Variants in GPLD1 observed in about 807,000 individuals in gnomAD.
GPLD1 encodes the protein glycosylphosphatidylinositol specific phospholipase D1, also known as phosphatidylinositol-glycan-specific phospholipase D.
A neutral mutation model predicts 112.6 loss-of-function variants in GPLD1; 84 were observed. The ratio of observed to expected loss-of-function variants is 0.75; its 90% CI spans 0.63 to 0.89. The LOEUF (loss-of-function observed/expected upper bound fraction) is 0.89, where lower values mean the gene tolerates loss of function less well. GPLD1 is among the 40% of genes least tolerant of loss of function. GPLD1 has a pLI of 0.00. For missense variants in GPLD1, 1,044 were observed against 1,051.5 expected, an observed-to-expected ratio of 0.99 and a Z score of 0.10; for synonymous variants, 386 against 403.8, an observed-to-expected ratio of 0.96 and a Z score of 0.53.
intron 12 of GPLD1, among the ~76,000 whole-genome samples, chr6:24,457,476 G>A (rs1157948668): frequency 6.6e-6 from 1 of 152,102 alleles, no homozygotes; most frequent in African/African-American, 2.4e-5. Flanking sequence ...ATGAGACTCT[G>A]TCTCAACAAC....
chr6:24,459,382 T>C (rs1413970365), intron 12 of GPLD1, among the ~76,000 whole-genome samples: 1 of 152,152 alleles, frequency 6.6e-6, no homozygotes, highest in Admixed American at 6.5e-5. Flanking sequence ...GCCTCCCGAA[T>C]AGCTGGGACT....
In GPLD1 at chr6:24,460,418, A is replaced by C; in HGVS notation, c.888-19T>G. On this transcript the variant is annotated intron_variant, in intron 11 of 24. Coordinates refer to ENST00000230036, the MANE Select transcript of GPLD1 (RefSeq NM_001503.4). ...TTTTGAGCTGTTGAAGAGAAAGAGGAATAAACTGGTTACGACTGAGAAAAC... is the reference window on the plus strand; with the variant it reads ...TTTTGAGCTGTTGAAGAGAAAGAGGCATAAACTGGTTACGACTGAGAAAAC... 6.2e-7 allele frequency: 1 copy of C among 1,612,534 alleles called. No individual in the cohort carries two copies. Among genetic ancestry groups the C allele is most frequent in the Non-Finnish European group, 8.5e-7 (1 of 1,179,398 alleles).
chr6:24,489,762 C>G (rs1764504977), upstream of GPLD1: 1 of 509,286 alleles, frequency 2.0e-6, no homozygotes, highest in African/African-American at 1.9e-5. Flanking sequence ...AAACTGAAAT[C>G]TGAAAAGCCT....
Position 24,429,056 on chromosome 6 carries a change from G to A in GPLD1, c.2499C>T (p.His833=), listed in dbSNP as rs767154789. Residue 833 remains histidine (H), a synonymous_variant, in exon 25 of 25, where the codon CAC becomes CAT. Transcript: ENST00000230036. Reference sequence around the variant, plus strand: ...TTCAATCTGAGCCAAGGCTATAGACGTGAAGTGCCCCGGAGAGTCGGGCTC... The same window carrying A: ...TTCAATCTGAGCCAAGGCTATAGACATGAAGTGCCCCGGAGAGTCGGGCTC... ...SLGARLSGAL[H]VYSLGSD 2.9e-5 allele frequency: 47 copies of A among 1,612,878 alleles called. No homozygotes were observed. In the Admixed American group the frequency reaches 3.5e-4, roughly 12 times the overall value.
chr6:24,462,866 T>G, intron 10 of GPLD1, 71 bp from the exon 11 acceptor site: 1 of 1,107,204 alleles, frequency 9.0e-7, no homozygotes, highest in Non-Finnish European at 1.4e-6. Context: ...CGAGAATCGG[T>G]AGTGCGCTTC....
At chr6:24,473,527 TA>T in intron 6 of GPLD1, 91 bp downstream of exon 6, 1 of 775,576 alleles carries the variant, frequency 1.3e-6, no homozygotes, top group Non-Finnish European at 2.3e-6. Flanking sequence ...ACCAGCAAAA[TA>T]TTAAAGACAC....
chr6:24,464,546 A>AT (rs1226468453), intron 10 of GPLD1, among the ~76,000 whole-genome samples: 3 of 152,238 alleles, frequency 2.0e-5, no homozygotes, highest in Non-Finnish European at 4.4e-5. Context: ...ATCAAAGGGA[A>AT]TTTTGTTTCA....
chr6:24,486,229 A>T (rs568676363), intron 1 of GPLD1, 99 bp from the exon 2 acceptor site: 5 of 785,662 alleles, frequency 6.4e-6, no homozygotes, highest in South Asian at 3.1e-5. Flanking sequence ...ATTTGTGGTT[A>T]TAACTGTCAA....
chr6:24,469,140 G>C lies in GPLD1; in HGVS notation c.546-1866C>G, dbSNP rs1405351497. ...AAGTCAGGAAACAACAGGTGCTGGA[G>C]AGGATGTGGAGAAATAGGAACACTC... On this transcript the variant is annotated intron_variant, in intron 7 of 24. Transcript: ENST00000230036. Among the ~76,000 whole-genome samples, 3 of 152,188 alleles carry C rather than the reference G, an allele frequency of 2.0e-5. No individual in the cohort carries two copies. In the East Asian group the frequency reaches 5.8e-4, roughly 29 times the overall value.
Position 24,467,060 on chromosome 6 carries a change from C to T in GPLD1, c.653+107G>A, listed in dbSNP as rs1763642918. On this transcript the variant is annotated intron_variant, in intron 8 of 24. Transcript: ENST00000230036. ...CGTCATGCAACTGCCTTTGAATAAG[C>T]AGAATCCATAAATCCAAAATCCAGT... The T allele has an allele frequency of 3.6e-6, 4 of 1,097,808 alleles. No homozygotes were observed. In the East Asian group the frequency reaches 9.5e-5, roughly 26 times the overall value. 68.0% of individuals were successfully genotyped at this position (1,097,808 alleles called of 1,614,324 possible). A position where few individuals can be genotyped will look rare whatever the true frequency, so the allele number is the denominator to read the frequency against.
chr6:24,459,765 C>G (rs928263784), intron 12 of GPLD1, among the ~76,000 whole-genome samples: 1 of 152,228 alleles, frequency 6.6e-6, no homozygotes, highest in African/African-American at 2.4e-5. Flanking sequence ...GGGCTATGCA[C>G]AGTGAGCCTT....
At position 24,462,534 on chromosome 6, in the gene GPLD1, T is replaced by C. The variant is rs191578690; in HGVS notation, c.887+196A>G. The stretch of plus-strand genomic sequence containing the variant: ...TAATTCTGGGAGTGTTGATGTGCTT[T>C]TTCCATTTTGCAAAAGGAGGAAGCT... On this transcript the variant is annotated intron_variant, in intron 11 of 24. Transcript: ENST00000230036. Among the ~76,000 whole-genome samples, 724 of 152,298 alleles carry C rather than the reference T, an allele frequency of 4.8e-3. 5 individuals carry two copies. Among genetic ancestry groups the C allele is most frequent in the Middle Eastern group, 0.01 (3 of 294 alleles).
chr6:24,479,383 T>C (rs374605366), intron 3 of GPLD1, among the ~76,000 whole-genome samples: 1 of 152,232 alleles, frequency 6.6e-6, no homozygotes, highest in African/African-American at 2.4e-5. Context: ...TTCTTTCCTC[T>C]TTCTTTAACT....
At chr6:24,489,993 C>T (rs376534914), upstream of GPLD1, among the ~76,000 whole-genome samples, 23 of 152,298 alleles carry the variant, frequency 1.5e-4, no homozygotes, top group East Asian at 1.5e-3. Flanking sequence ...CTGCTTCCTC[C>T]GCCTCCCAAG....
intron 3 of GPLD1, among the ~76,000 whole-genome samples, chr6:24,476,941 T>C (rs1031812392): frequency 2.0e-5 from 3 of 152,048 alleles, no homozygotes; most frequent in Admixed American, 6.6e-5. Context: ...AAAGCAAAAC[T>C]GCCGAGTTCA....
intron 7 of GPLD1, among the ~76,000 whole-genome samples, chr6:24,470,104 G>A (rs1037000156): frequency 1.3e-5 from 2 of 151,804 alleles, no homozygotes; most frequent in Non-Finnish European, 2.9e-5. Context: ...CACCCTACAC[G>A]TTAGGTTTGG....
intron 6 of GPLD1, chr6:24,473,349 A>T (rs1242510200): frequency 3.7e-6 from 1 of 271,346 alleles, no homozygotes; most frequent in East Asian, 6.6e-5. Context: ...ATTTTAACCC[A>T]ATGTATAAGT....
chr6:24,434,768 G>A (rs1762516260), intron 22 of GPLD1, among the ~76,000 whole-genome samples: 2 of 149,792 alleles, frequency 1.3e-5, no homozygotes, highest in Middle Eastern at 3.5e-3. Flanking sequence ...AACCTGGGAG[G>A]TGGAGGTTGC....
rs59607870 is a variant in GPLD1 at position 24,453,699 on chromosome 6, CGTGT to C, written c.1335+312_1335+315del. 5.8e-4 allele frequency among the ~76,000 whole-genome samples: 87 copies of C among 150,510 alleles called. No individual in the cohort carries two copies. In the East Asian group the frequency reaches 8.8e-3, roughly 15 times the overall value. On this transcript the variant is annotated intron_variant, in intron 14 of 24. Coordinates refer to ENST00000230036, the MANE Select transcript of GPLD1 (RefSeq NM_001503.4). ...CAAAGTTTTATAAATACATACATTT[CGTGT>C]GTGTGTGTGTGTGTGTGTGTATAAA...
Sources: allele counts gnomAD v4.1 joint callset (sites outside exome capture counted in the v4.1 genomes callset), GRCh38; gene constraint gnomAD v4.1.1; transcripts MANE v1.5; gene names NCBI Gene and HGNC (gene_info 2026-07-23, HGNC 2026-07-21).